Variants in MAGI3 observed in about 807,000 individuals in gnomAD.
The protein encoded by MAGI3 is membrane-associated guanylate kinase, WW and PDZ domain-containing protein 3.
MAGI3 carries 43 observed loss-of-function variants against 121.8 expected under a neutral mutation model. That is an observed-to-expected ratio of 0.35 (90% CI 0.28 to 0.46). MAGI3 has a LOEUF of 0.46. MAGI3 is among the 20% of genes least tolerant of loss of function. MAGI3 has a pLI of 1.00. For synonymous variants in MAGI3, 553 were observed against 639.3 expected (o/e 0.86, Z 2.04); for missense variants, 1,547 against 1,797.3 (o/e 0.86, Z 2.52).
rs575426415 is a variant in MAGI3 at position 113,427,544 on chromosome 1, G to A, written c.316+36195G>A. ...CCTTCTGTACCAAATTGGGGGTTGGGTCATGCTGAGACTGGCTGTCTTTCT... is the reference window on the plus strand; with the variant it reads ...CCTTCTGTACCAAATTGGGGGTTGGATCATGCTGAGACTGGCTGTCTTTCT... On this transcript the variant is annotated intron_variant, in intron 1 of 20. Transcript: ENST00000307546. 7.2e-5 allele frequency among the ~76,000 whole-genome samples: 11 copies of A among 152,324 alleles called. No individual in the cohort carries two copies. The East Asian group carries it at 1.9e-3, about 27-fold the overall frequency.
intron 1 of MAGI3, among the ~76,000 whole-genome samples, chr1:113,521,376 A>G (rs1016207369): frequency 2.7e-5 from 4 of 147,106 alleles, no homozygotes; most frequent in Non-Finnish European, 6.0e-5. Context: ...GTGAGCCACC[A>G]CGCCTGGCCA....
intron 1 of MAGI3, among the ~76,000 whole-genome samples, chr1:113,534,160 C>T (rs977124004): frequency 6.6e-6 from 1 of 152,190 alleles, no homozygotes; most frequent in Non-Finnish European, 1.5e-5. Context: ...AATGCTGCTT[C>T]TACTGCCAGT....
At chr1:113,451,908 AACTGG>A in intron 1 of MAGI3, among the ~76,000 whole-genome samples, 1 of 152,292 alleles carries the variant, frequency 6.6e-6, no homozygotes, top group East Asian at 1.9e-4. Flanking sequence ...GCAATCACCC[AACTGG>A]TTAGGTAAAT....
At chr1:113,613,594 C>A (rs1403201502) in intron 6 of MAGI3, among the ~76,000 whole-genome samples, 3 of 152,086 alleles carry the variant, frequency 2.0e-5, no homozygotes, top group African/African-American at 7.2e-5. Flanking sequence ...TGCTGTCCAG[C>A]GTACTTTTTG....
chr1:113,678,785 T>C (rs1212250546), intron 19 of MAGI3, among the ~76,000 whole-genome samples: 1 of 152,134 alleles, frequency 6.6e-6, no homozygotes, highest in Non-Finnish European at 1.5e-5. Flanking sequence ...TAGAAAGAGG[T>C]GGAGCACAAG....
At position 113,658,460 on chromosome 1, in the gene MAGI3, T is replaced by G. The variant is rs1653597760; in HGVS notation, c.2630-620T>G. ...ATTTAATGTTCCAATTCCACTCAGC[T>G]TTTCAAATTTTAAAAAGAGCCAAAG... On this transcript the variant is annotated intron_variant, in intron 15 of 20. Coordinates refer to ENST00000307546, the MANE Select transcript of MAGI3 (RefSeq NM_001142782.2). The surrounding 1 kb of genome is among the most constrained non-coding windows in gnomAD (Gnocchi z 4.0). Among the ~76,000 whole-genome samples the G allele has an allele frequency of 6.6e-6, 1 of 152,232 alleles. No homozygotes were observed. The highest frequency in any genetic ancestry group is 1.5e-5 in the Non-Finnish European group (1 of 68,048).
intron 1 of MAGI3, chr1:113,450,346 G>T (rs1654416088): frequency 7.5e-7 from 1 of 1,328,108 alleles, no homozygotes. Context: ...AGCTATGGTG[G>T]TGGAGGTGGT....
At chr1:113,458,742 C>T (rs867968941) in intron 1 of MAGI3, among the ~76,000 whole-genome samples, 5 of 152,138 alleles carry the variant, frequency 3.3e-5, no homozygotes, top group African/African-American at 9.7e-5. Context: ...GGCTGGAATG[C>T]AGTGGCACAA....
intron 6 of MAGI3, among the ~76,000 whole-genome samples, chr1:113,611,704 C>T (rs1314072873): frequency 6.6e-6 from 1 of 152,092 alleles, no homozygotes; most frequent in Non-Finnish European, 1.5e-5. Context: ...TAAATCATGT[C>T]ACAGTTCACC....
At chr1:113,590,114 G>A (rs1648605440) in intron 4 of MAGI3, among the ~76,000 whole-genome samples, 1 of 151,918 alleles carries the variant, frequency 6.6e-6, no homozygotes, top group Non-Finnish European at 1.5e-5. Flanking sequence ...ATACTCACAG[G>A]GTTGCTGTGA....
intron 1 of MAGI3, among the ~76,000 whole-genome samples, chr1:113,437,864 C>T (rs201514046): frequency 0.19 from 10,094 of 53,508 alleles, 942 homozygotes; most frequent in East Asian, 0.23. Context: ...CTTCTTCTTC[C>T]TCTTCTTCTT....
chr1:113,487,884 TA>T (rs534140888), intron 1 of MAGI3, among the ~76,000 whole-genome samples: 234 of 152,280 alleles, frequency 1.5e-3, no homozygotes, highest in African/African-American at 5.4e-3. Flanking sequence ...GGCAGCATAA[TA>T]TTATATTGAG....
At chr1:113,510,442 A>T (rs998298945) in intron 1 of MAGI3, among the ~76,000 whole-genome samples, 1 of 150,290 alleles carries the variant, frequency 6.7e-6, no homozygotes, top group Non-Finnish European at 1.5e-5. Context: ...TGTGCACATG[A>T]TTCAAAGCAC....
intron 1 of MAGI3, among the ~76,000 whole-genome samples, chr1:113,405,604 T>C (rs1188591077): frequency 6.6e-6 from 1 of 151,954 alleles, no homozygotes; most frequent in Non-Finnish European, 1.5e-5. Flanking sequence ...TAGTTGCTTG[T>C]ACAATACTGG....
intron 1 of MAGI3, among the ~76,000 whole-genome samples, chr1:113,483,517 A>G (rs2101567711): frequency 6.6e-6 from 1 of 152,344 alleles, no homozygotes; most frequent in African/African-American, 2.4e-5. Context: ...AAATGTGACC[A>G]TGCTGGTACT....
chr1:113,478,841 G>T (rs1448144599), intron 1 of MAGI3, among the ~76,000 whole-genome samples: 1 of 152,208 alleles, frequency 6.6e-6, no homozygotes, highest in African/African-American at 2.4e-5. Context: ...ATTCAGCTAT[G>T]CCCTGCTCAC....
intron 19 of MAGI3, among the ~76,000 whole-genome samples, chr1:113,674,221 G>T (rs373948574): frequency 2.0e-5 from 3 of 151,960 alleles, no homozygotes; most frequent in Non-Finnish European, 4.4e-5. Context: ...GAGAAACCCC[G>T]TCTGTACTAA....
chr1:113,423,259 T>TTTG (rs1553183592), intron 1 of MAGI3, among the ~76,000 whole-genome samples: 6 of 120,290 alleles, frequency 5.0e-5, no homozygotes, highest in Admixed American at 8.9e-5. Flanking sequence ...TTTTTTTTTT[T>TTTG]GGGGGGGGGG....
intron 6 of MAGI3, among the ~76,000 whole-genome samples, chr1:113,604,237 A>G (rs754791773): frequency 1.3e-5 from 2 of 152,192 alleles, no homozygotes; most frequent in East Asian, 3.8e-4. Context: ...CAACTTAGGA[A>G]CCAACCTAAG....
Sources: allele counts gnomAD v4.1 joint callset (sites outside exome capture counted in the v4.1 genomes callset), GRCh38; gene constraint gnomAD v4.1.1; non-coding constraint Gnocchi (gnomAD v3.1); transcripts MANE v1.5; gene names NCBI Gene and HGNC (gene_info 2026-07-23, HGNC 2026-07-21).